Variants in ZBED6 observed in about 807,000 individuals in gnomAD.
ZBED6 encodes zinc finger BED domain-containing protein 6.
A neutral mutation model predicts 58.4 loss-of-function variants in ZBED6; 40 were observed. That is an observed-to-expected ratio of 0.68 (90% CI 0.53 to 0.89). ZBED6 has a LOEUF of 0.89. ZBED6 is among the 40% of genes least tolerant of loss of function. The pLI is 0.00. For synonymous variants in ZBED6, 439 were observed against 350.6 expected (o/e 1.25, Z -2.82); for missense variants, 1,057 against 1,003.9 (o/e 1.05, Z -0.71).
intron 9 of ZBED6, 84 bp downstream of exon 9, chr1:203,833,937 A>G: frequency 2.0e-6 from 3 of 1,493,262 alleles, no homozygotes; most frequent in Admixed American, 2.1e-5. Context: ...TTTTATACAG[A>G]TCTTTGTTAT....
intron 3 of ZBED6, among the ~76,000 whole-genome samples, chr1:203,823,721 C>T (rs1379151986): frequency 6.6e-6 from 1 of 152,164 alleles, no homozygotes; most frequent in African/African-American, 2.4e-5. Context: ...AATACTTATA[C>T]TTTTTACACA....
chr1:203,800,583 A>G (rs912596238), exon 1 of ZBED6: 1 of 872,438 alleles, frequency 1.1e-6, no homozygotes, highest in Non-Finnish European at 1.6e-6. Context: ...AAATCACACA[A>G]GGGCTGAAAA....
At chr1:203,798,038 TCAA>T in exon 1 of ZBED6, 2 of 1,535,184 alleles carry the variant, frequency 1.3e-6, no homozygotes, top group Non-Finnish European at 1.7e-6. Flanking sequence ...CATCTACTCT[TCAA>T]CGACATCTGC....
chr1:203,817,601 GT>G (rs1214000733), intron 2 of ZBED6, among the ~76,000 whole-genome samples: 1 of 151,904 alleles, frequency 6.6e-6, no homozygotes, highest in East Asian at 1.9e-4. Context: ...TGCTTTTGCA[GT>G]TTTTTGGCTT....
chr1:203,812,650 C>T (rs1002876061), intron 1 of ZBED6, among the ~76,000 whole-genome samples: 6 of 143,620 alleles, frequency 4.2e-5, no homozygotes, highest in Non-Finnish European at 7.5e-5. Flanking sequence ...GGCATGATCT[C>T]GGCTCACTGC....
At chr1:203,852,658 A>G in exon 17 of ZBED6, 1 of 476,258 alleles carries the variant, frequency 2.1e-6, no homozygotes, top group Non-Finnish European at 3.8e-6. Context: ...TTCTCTCCAC[A>G]AAAAAGAGAC....
chr1:203,846,444 C>G (rs1427772676), intron 11 of ZBED6, among the ~76,000 whole-genome samples: 2 of 152,088 alleles, frequency 1.3e-5, no homozygotes, highest in African/African-American at 4.8e-5. Flanking sequence ...TCTTTTTATC[C>G]TTTAAATTTA....
intron 11 of ZBED6, among the ~76,000 whole-genome samples, chr1:203,843,346 A>G (rs1010920507): frequency 2.6e-5 from 4 of 152,164 alleles, no homozygotes; most frequent in African/African-American, 9.7e-5. Context: ...ATTTCTTTTG[A>G]GTATGACTGC....
chr1:203,815,849 T>C (rs909516993), intron 1 of ZBED6, among the ~76,000 whole-genome samples: 1 of 152,364 alleles, frequency 6.6e-6, no homozygotes, highest in East Asian at 1.9e-4. Flanking sequence ...ACCCTTTCCA[T>C]ATTCTCGTAT....
chr1:203,844,057 A>C (rs976377404), intron 11 of ZBED6, among the ~76,000 whole-genome samples: 1 of 151,758 alleles, frequency 6.6e-6, no homozygotes, highest in Non-Finnish European at 1.5e-5. Context: ...GGGCTTCTCC[A>C]TGTTGGTCAG....
intron 8 of ZBED6, among the ~76,000 whole-genome samples, chr1:203,833,256 T>G (rs1683001063): frequency 6.6e-6 from 1 of 151,392 alleles, no homozygotes. Flanking sequence ...TAATCCCAGC[T>G]ACTCAGGCTG....
chr1:203,821,505 A>G (rs192669114), intron 3 of ZBED6, among the ~76,000 whole-genome samples: 164 of 152,152 alleles, frequency 1.1e-3, no homozygotes, highest in African/African-American at 3.1e-3. Flanking sequence ...TGATGTTTCC[A>G]TCATTCTTTG....
In ZBED6 at chr1:203,805,897, T is replaced by G. The variant is rs1323117110; in HGVS notation, c.*2554+2881T>G. The G allele has an allele frequency of 7.0e-6, 5 of 716,810 alleles. No individual in the cohort carries two copies. In the East Asian group the frequency reaches 1.7e-4, roughly 24 times the overall value. 44.4% of individuals were successfully genotyped at this position (716,810 alleles called of 1,614,324 possible). On this transcript the variant is annotated intron_variant, in intron 1 of 16. Transcript: ENST00000550078. ...CTGGTCTTGTAAATTCTCAATCTGG[T>G]CAGTTTTCACTTGCTTGTCTACCTT... is the stretch of plus-strand genomic sequence containing the variant.
chr1:203,798,449 C>T (rs1669388694), exon 1 of ZBED6: 1 of 1,535,938 alleles, frequency 6.5e-7, no homozygotes, highest in Middle Eastern at 1.7e-4. Flanking sequence ...TTCAACGACA[C>T]CTGCAAGCCA....
chr1:203,822,120 C>A (rs1678984804), intron 3 of ZBED6, among the ~76,000 whole-genome samples: 1 of 152,152 alleles, frequency 6.6e-6, no homozygotes, highest in Non-Finnish European at 1.5e-5. Context: ...GCTTCCAGTT[C>A]ATCAATGCCA....
At chr1:203,852,066 G>A (rs1689446706) in intron 16 of ZBED6, 75 bp from the exon 17 acceptor site, 2 of 1,494,088 alleles carry the variant, frequency 1.3e-6, no homozygotes, top group South Asian at 2.4e-5. Flanking sequence ...TGCTCACTTT[G>A]TGTCCGTGAG....
Position 203,829,374 on chromosome 1 carries a change from C to A in ZBED6, c.*2998-77C>A, listed in dbSNP as rs16852380. ...CATAAGACAAATACACTATAGTTTT[C>A]ATAGGTGGTCAGGAATTTTTGGTAA... On this transcript the variant is annotated intron_variant, in intron 4 of 16. Transcript: ENST00000550078. The A allele has an allele frequency of 1.6e-3, 2,314 of 1,441,924 alleles. 47 individuals carry two copies. In the East Asian group the frequency reaches 0.037, roughly 23 times the overall value. The allele number at this position is 1,441,924 out of a possible 1,614,324, so 89.3% of individuals were successfully genotyped here. A position where few individuals can be genotyped will look rare whatever the true frequency, so the allele number is the denominator to read the frequency against.
intron 1 of ZBED6, among the ~76,000 whole-genome samples, chr1:203,809,804 A>G (rs1673710349): frequency 6.6e-6 from 1 of 152,066 alleles, no homozygotes; most frequent in Admixed American, 6.6e-5. Context: ...AAATACAAAA[A>G]TTAGCCAGGC....
At chr1:203,817,054 C>G in exon 2 of ZBED6, 1 of 1,599,180 alleles carries the variant, frequency 6.3e-7, no homozygotes. Flanking sequence ...CACTTCTGAT[C>G]TAAGAATCTA....
Sources: gnomAD v4.1 joint callset for allele counts (sites outside exome capture counted in the v4.1 genomes callset) on GRCh38, gnomAD v4.1.1 for gene constraint, MANE v1.5 for transcripts, NCBI Gene and HGNC (gene_info 2026-07-23, HGNC 2026-07-21) for gene names.